The following SOX5 variants were observed in gnomAD, a reference collection of about 807,000 sequenced individuals.
The protein encoded by SOX5 is transcription factor SOX-5.
SOX5 carries 9 observed loss-of-function variants against 92.0 expected under a neutral mutation model. The observed-to-expected ratio is 0.10, with a 90% CI of 0.06 to 0.17. The LOEUF is 0.17. Among genes scored for constraint, SOX5 ranks in the 10% least tolerant of loss-of-function variants. The pLI, the probability that SOX5 is intolerant of heterozygous loss-of-function variation, is 1.00. For missense variants in SOX5, 642 were observed against 944.5 expected (o/e 0.68, Z 4.20); for synonymous variants, 344 against 336.3 (o/e 1.02, Z -0.25).
intron 1 of SOX5, among the ~76,000 whole-genome samples, chr12:24,492,370 A>G (rs1400164309): frequency 2.0e-5 from 3 of 152,074 alleles, no homozygotes; most frequent in East Asian, 1.9e-4. Flanking sequence ...AAAAATAACT[A>G]TTTTCCCCCA....
At chr12:24,512,752 C>T (rs887948615) in intron 1 of SOX5, among the ~76,000 whole-genome samples, 2 of 152,192 alleles carry the variant, frequency 1.3e-5, no homozygotes, top group African/African-American at 4.8e-5. Flanking sequence ...AGTAGATTAT[C>T]ATTCAGGTTT....
rs895604208 is a variant in SOX5, at chr12:23,604,448, G to C, written c.1103C>G (p.Ala368Gly). 1 of 1,613,820 alleles carries C rather than the reference G, an allele frequency of 6.2e-7. No homozygotes were observed. Among genetic ancestry groups the C allele is most frequent in the Admixed American group, 1.7e-5 (1 of 59,968 alleles). The change falls in exon 9 of 15, where the codon GCT becomes GGT. Residue 368 changes from alanine to glycine, a missense_variant. Around this residue, in one of 8 missense-constraint regions of SOX5, gnomAD observed 324 missense variants for 461.6 expected, o/e 0.70. Coordinates refer to ENST00000451604, the MANE Select transcript of SOX5 (RefSeq NM_006940.6). ...TGTGTGAATGCTGGTAGGAGATACA[G>C]CAGCACCAAGGTTGCCTTGGGGTAT... ...PGIPQGNLGA[A>G]VSPTSIHTDK...
intron 4 of SOX5, among the ~76,000 whole-genome samples, chr12:24,057,548 G>C (rs532108646): frequency 1.3e-5 from 2 of 151,998 alleles, no homozygotes; most frequent in African/African-American, 4.8e-5. Context: ...AAATTTCATC[G>C]CAAATGCAAA....
upstream of SOX5, chr12:23,950,898 C>G: frequency 1.3e-6 from 2 of 1,534,720 alleles, no homozygotes; most frequent in Non-Finnish European, 8.7e-7. Flanking sequence ...TGGTGGCTGC[C>G]CCGTGCACCG....
chr12:24,458,876 A>C (rs1943316765), intron 1 of SOX5, among the ~76,000 whole-genome samples: 1 of 152,212 alleles, frequency 6.6e-6, no homozygotes, highest in South Asian at 2.1e-4. Flanking sequence ...GAACATTCCA[A>C]GATAGTAAAA....
intron 2 of SOX5, among the ~76,000 whole-genome samples, chr12:24,331,806 C>T (rs2140988983): frequency 8.1e-6 from 1 of 123,942 alleles, no homozygotes; most frequent in East Asian, 2.7e-4. Flanking sequence ...TGAGATCATG[C>T]CACTGCACTC....
chr12:23,944,018 T>A (rs1186185687), intron 1 of SOX5, among the ~76,000 whole-genome samples: 1 of 152,126 alleles, frequency 6.6e-6, no homozygotes, highest in Non-Finnish European at 1.5e-5. Flanking sequence ...AGCATTCAAA[T>A]TGGGTTCATA....
At chr12:24,099,860 T>C (rs1945876015) in intron 4 of SOX5, among the ~76,000 whole-genome samples, 2 of 152,166 alleles carry the variant, frequency 1.3e-5, no homozygotes, top group African/African-American at 4.8e-5. Context: ...AATTCATTAA[T>C]TAGCTGTGAG....
At chr12:23,657,527 G>A (rs2082463875) in intron 7 of SOX5, among the ~76,000 whole-genome samples, 1 of 152,020 alleles carries the variant, frequency 6.6e-6, no homozygotes, top group Non-Finnish European at 1.5e-5. Context: ...TTGCCTTCTA[G>A]TGGAGTCTTA....
chr12:23,619,577 G>A (rs967842434), intron 8 of SOX5, among the ~76,000 whole-genome samples: 1 of 152,070 alleles, frequency 6.6e-6, no homozygotes, highest in African/African-American at 2.4e-5. Flanking sequence ...TGTGTGCTCT[G>A]AAACAAAGAG....
At chr12:24,041,830 G>A (rs1422762910) in intron 4 of SOX5, among the ~76,000 whole-genome samples, 1 of 152,070 alleles carries the variant, frequency 6.6e-6, no homozygotes, top group African/African-American at 2.4e-5. Context: ...ATTTCAGAAT[G>A]TTCCTGTGAC....
chr12:24,047,326 G>T (rs1957140883), intron 4 of SOX5, among the ~76,000 whole-genome samples: 1 of 152,184 alleles, frequency 6.6e-6, no homozygotes, highest in African/African-American at 2.4e-5. Flanking sequence ...CAGAAAAATA[G>T]ATTTAATGGA....
intron 3 of SOX5, among the ~76,000 whole-genome samples, chr12:23,785,040 C>T (rs538177453): frequency 3.7e-4 from 57 of 152,278 alleles, no homozygotes; most frequent in African/African-American, 1.3e-3. Flanking sequence ...CATGATTGTG[C>T]CACTGCACTC....
At chr12:23,593,684 T>C (rs1241289621) in intron 9 of SOX5, among the ~76,000 whole-genome samples, 2 of 152,134 alleles carry the variant, frequency 1.3e-5, no homozygotes, top group Non-Finnish European at 2.9e-5. Flanking sequence ...AAATAAATGA[T>C]ATAATTTTTT....
intron 4 of SOX5, among the ~76,000 whole-genome samples, chr12:24,116,143 T>C (rs776796363): frequency 6.6e-5 from 10 of 152,192 alleles, no homozygotes; most frequent in Non-Finnish European, 1.2e-4. Context: ...TCTTCTTTCA[T>C]AGCAGAAGAT....
Position 23,536,676 on chromosome 12 carries a change from A to G in SOX5, c.1772-7T>C. 6 of 1,608,238 alleles carry G rather than the reference A, an allele frequency of 3.7e-6. No individual in the cohort carries two copies. The highest frequency in any genetic ancestry group is 5.1e-6 in the Non-Finnish European group (6 of 1,174,662). ...ATAGCTTTCCAGCGAGATCCTATGA[A>G]GAAAGGAGGTTAGGATTCCAATTTG... On this transcript the variant is annotated splice_polypyrimidine_tract_variant and splice_region_variant and intron_variant, in intron 13 of 14. Coordinates refer to ENST00000451604, the MANE Select transcript of SOX5 (RefSeq NM_006940.6).
chr12:24,176,141 G>GGCA (rs1954783422), intron 4 of SOX5, among the ~76,000 whole-genome samples: 1 of 152,082 alleles, frequency 6.6e-6, no homozygotes. Context: ...GACTAGCCCG[G>GGCA]GCAGCATGAT....
chr12:23,810,666 G>A (rs1161280801), intron 3 of SOX5, among the ~76,000 whole-genome samples: 1 of 152,158 alleles, frequency 6.6e-6, no homozygotes, highest in Non-Finnish European at 1.5e-5. Flanking sequence ...CCTTTTTGAT[G>A]GAGGTGGGGT....
At chr12:24,000,708 C>A (rs1951514829) in intron 4 of SOX5, among the ~76,000 whole-genome samples, 1 of 152,052 alleles carries the variant, frequency 6.6e-6, no homozygotes, top group South Asian at 2.1e-4. Flanking sequence ...CCTATAATAA[C>A]TGCATTAAAT....
Sources: allele counts gnomAD v4.1 joint callset (sites outside exome capture counted in the v4.1 genomes callset), GRCh38; gene constraint gnomAD v4.1.1; regional missense constraint gnomAD v4.1.1; transcripts MANE v1.5; gene names NCBI Gene and HGNC (gene_info 2026-07-23, HGNC 2026-07-21).